RNF128: variants seen among roughly 807,000 people sequenced by gnomAD.
The protein encoded by RNF128 is E3 ubiquitin-protein ligase RNF128.
Under a neutral mutation model 26.2 loss-of-function variants are expected in RNF128, and 13 were observed. That is an observed-to-expected ratio of 0.50 (90% CI 0.32 to 0.79). The LOEUF (loss-of-function observed/expected upper bound fraction) is 0.79. RNF128 is among the 30% of genes least tolerant of loss of function. RNF128 has a pLI of 0.03. For synonymous variants in RNF128, 149 were observed against 142.5 expected (o/e 1.05, Z -0.32); for missense variants, 315 against 349.7 (o/e 0.90, Z 0.79).
chrX:106,787,471 G>C (rs1276664475), intron 3 of RNF128, among the ~76,000 whole-genome samples: 1 of 110,957 alleles, frequency 9.0e-6, no homozygotes, highest in Non-Finnish European at 1.9e-5. Flanking sequence ...GTTTAGAGGA[G>C]TTTGTTGGGA....
At chrX:106,749,179 A>G (rs193011806) in intron 1 of RNF128, among the ~76,000 whole-genome samples, 4 of 111,992 alleles carry the variant, frequency 3.6e-5, no homozygotes, top group South Asian at 3.7e-4. Context: ...TCTATTCCCT[A>G]ACACACTGAA....
chrX:106,718,633 T>G (rs1328650120), intron 1 of RNF128, among the ~76,000 whole-genome samples: 1 of 110,835 alleles, frequency 9.0e-6, no homozygotes, highest in Non-Finnish European at 1.9e-5. Flanking sequence ...CTTTTGATGT[T>G]CCCGTTAGTA....
Position 106,795,619 on chromosome X carries a change from T to G in RNF128, c.1193T>G (p.Val398Gly). The change falls in exon 7 of 7, where the codon GTG becomes GGG. Residue 398 changes from valine (V) to glycine (G), a missense_variant. Transcript: ENST00000255499. ...CTGGTAAACCATGAAGCAAATTCTG[T>G]GGCAGTGGATGTTATTCCTCATGTT... The part of the protein sequence containing the change: ...LQLVNHEANS[V>G]AVDVIPHVDN... 8.3e-7 allele frequency: 1 copy of G among 1,198,761 alleles called. No homozygotes were observed. The highest frequency in any genetic ancestry group is 1.1e-6 in the Non-Finnish European group (1 of 888,193).
chrX:106,754,692 G>A (rs189202571), intron 1 of RNF128, among the ~76,000 whole-genome samples: 1 of 109,795 alleles, frequency 9.1e-6, no homozygotes, highest in Non-Finnish European at 1.9e-5. Flanking sequence ...AATGACCAGT[G>A]GGTTAATGTA....
intron 1 of RNF128, among the ~76,000 whole-genome samples, chrX:106,747,504 G>T (rs1929810231): frequency 9.0e-6 from 1 of 111,237 alleles, no homozygotes; most frequent in African/African-American, 3.3e-5. Flanking sequence ...TGCCAGACTT[G>T]ATTATAGAAC....
intron 2 of RNF128, among the ~76,000 whole-genome samples, chrX:106,783,703 A>G (rs1930604008): frequency 8.9e-6 from 1 of 111,804 alleles, no homozygotes; most frequent in Admixed American, 9.6e-5. Flanking sequence ...TGGGTAATTC[A>G]TAAAGAAAAG....
chrX:106,700,991 C>G (rs73638916), intron 1 of RNF128, among the ~76,000 whole-genome samples: 229 of 111,929 alleles, frequency 2.0e-3, no homozygotes, highest in African/African-American at 7.1e-3. Context: ...TGCTCTTTTA[C>G]AAACAATACT....
At chrX:106,730,608 G>C (rs1929484919) in intron 1 of RNF128, among the ~76,000 whole-genome samples, 1 of 111,915 alleles carries the variant, frequency 8.9e-6, no homozygotes, top group African/African-American at 3.2e-5. Flanking sequence ...CCTGAGCTTT[G>C]CCTGGTGTCT....
chrX:106,753,058 A>C (rs1929928351), intron 1 of RNF128, among the ~76,000 whole-genome samples: 1 of 111,408 alleles, frequency 9.0e-6, no homozygotes, highest in African/African-American at 3.3e-5. Context: ...CACACCTACA[A>C]CATCTAGAAA....
intron 1 of RNF128, among the ~76,000 whole-genome samples, chrX:106,711,619 A>G (rs1189467709): frequency 8.9e-6 from 1 of 112,502 alleles, no homozygotes; most frequent in African/African-American, 3.2e-5. Flanking sequence ...AACAGACAGC[A>G]TGTTGAACAT....
intron 2 of RNF128, among the ~76,000 whole-genome samples, chrX:106,781,873 C>T (rs998598481): frequency 9.0e-6 from 1 of 110,816 alleles, no homozygotes; most frequent in African/African-American, 3.3e-5. Flanking sequence ...TTGTATTCTC[C>T]CCCACCATCA....
chrX:106,718,315 T>A (rs182388695), intron 1 of RNF128, among the ~76,000 whole-genome samples: 5 of 111,662 alleles, frequency 4.5e-5, no homozygotes, highest in Non-Finnish European at 7.5e-5. Context: ...TTCTGCCCTC[T>A]TTTTCCCCCT....
chrX:106,707,237 A>C (rs1418770750), intron 1 of RNF128, among the ~76,000 whole-genome samples: 3 of 111,795 alleles, frequency 2.7e-5, no homozygotes, highest in Non-Finnish European at 3.8e-5. Context: ...TTCACTTACT[A>C]CTTGAGCACT....
chrX:106,790,527 C>T (rs916744107), intron 5 of RNF128, among the ~76,000 whole-genome samples: 1 of 110,547 alleles, frequency 9.0e-6, no homozygotes, highest in South Asian at 3.8e-4. Context: ...CCATATAAAC[C>T]ACCAACTTGG....
intron 1 of RNF128, among the ~76,000 whole-genome samples, chrX:106,772,459 A>G (rs1930390669): frequency 8.9e-6 from 1 of 111,904 alleles, no homozygotes; most frequent in African/African-American, 3.2e-5. Flanking sequence ...ATCCTTATAC[A>G]TGCTAGTAGT....
intron 1 of RNF128, among the ~76,000 whole-genome samples, chrX:106,755,861 T>C (rs1393001146): frequency 5.4e-5 from 6 of 110,487 alleles, no homozygotes; most frequent in African/African-American, 2.0e-4. Context: ...AAAATCTCCT[T>C]AAGCTGATAA....
At chrX:106,768,508 G>A (rs1363502695) in intron 1 of RNF128, among the ~76,000 whole-genome samples, 1 of 110,173 alleles carries the variant, frequency 9.1e-6, no homozygotes, top group African/African-American at 3.3e-5. Flanking sequence ...TGCGTAGAGG[G>A]GTTTATAGTA....
chrX:106,795,211 A>G (rs2147706489), intron 6 of RNF128, among the ~76,000 whole-genome samples: 1 of 111,674 alleles, frequency 9.0e-6, no homozygotes, highest in Admixed American at 9.6e-5. Context: ...TATGTGAATG[A>G]AGAAGCACTG....
chrX:106,771,459 GCCCCTCCCCCAGC>G (rs958837202), intron 1 of RNF128, among the ~76,000 whole-genome samples: 8 of 112,728 alleles, frequency 7.1e-5, no homozygotes, highest in Non-Finnish European at 1.3e-4. Context: ...AATGGCGTAC[GCCCCTCCCCCAGC>G]CCCACTGCTG....
Sources: gnomAD v4.1 joint callset for allele counts (sites outside exome capture counted in the v4.1 genomes callset) on GRCh38, gnomAD v4.1.1 for gene constraint, MANE v1.5 for transcripts, NCBI Gene and HGNC (gene_info 2026-07-23, HGNC 2026-07-21) for gene names.